Variants in ADGRL3 observed in about 807,000 individuals in gnomAD.
The protein encoded by ADGRL3 is calcium-independent alpha-latrotoxin receptor 3.
A neutral mutation model predicts 153.5 loss-of-function variants in ADGRL3; 62 were observed. The ratio of observed to expected loss-of-function variants is 0.40; its 90% CI spans 0.33 to 0.50. ADGRL3 has a LOEUF of 0.50. Ranked by LOEUF, ADGRL3 falls within the 20% of genes least tolerant of loss-of-function variation. The pLI, the probability that ADGRL3 is intolerant of heterozygous loss-of-function variation, is 0.47. For missense variants in ADGRL3, 1,641 were observed against 1,859.4 expected (o/e 0.88, Z 2.16); for synonymous variants, 710 against 672.5 (o/e 1.06, Z -0.86).
intron 11 of ADGRL3, among the ~76,000 whole-genome samples, chr4:61,898,564 G>C (rs1287142970): frequency 3.3e-5 from 5 of 151,938 alleles, no homozygotes; most frequent in Non-Finnish European, 7.4e-5. Context: ...GGCTGGACCA[G>C]GTGTGATGTT....
intron 4 of ADGRL3, among the ~76,000 whole-genome samples, chr4:61,557,989 C>T (rs1278424061): frequency 2.6e-5 from 4 of 151,294 alleles, no homozygotes; most frequent in South Asian, 2.1e-4. Flanking sequence ...ACCTTGATAT[C>T]GGGCTTGTGA....
intron 8 of ADGRL3, among the ~76,000 whole-genome samples, chr4:61,748,988 T>C (rs1185875913): frequency 1.3e-5 from 2 of 151,406 alleles, no homozygotes; most frequent in Non-Finnish European, 2.9e-5. Context: ...ATCCAGAATC[T>C]ACAATGAACT....
intron 1 of ADGRL3, among the ~76,000 whole-genome samples, chr4:61,267,261 A>G (rs1049529947): frequency 6.6e-6 from 1 of 151,668 alleles, no homozygotes; most frequent in Non-Finnish European, 1.5e-5. Context: ...GCATTTTCTT[A>G]TTTTCAAGGA....
Position 61,517,338 on chromosome 4 carries a change from C to T in ADGRL3, c.79C>T (p.Pro27Ser). The T allele has an allele frequency of 1.4e-6, 1 of 703,652 alleles. No homozygotes were observed. Among genetic ancestry groups the T allele is most frequent in the South Asian group, 1.5e-5 (1 of 67,606 alleles). The allele number at this position is 703,652 out of a possible 1,614,324, so 43.6% of individuals were successfully genotyped here. A position where few individuals can be genotyped will look rare whatever the true frequency, so the allele number is the denominator to read the frequency against. Residue 27 changes from proline to serine, a missense_variant, in exon 4 of 27, where the codon CCT (proline) becomes TCT (serine). Physicochemically the swap from Pro to Ser is moderately conservative, Grantham distance 74. Around this residue, in one of 5 missense-constraint regions of ADGRL3, gnomAD observed 145 missense variants for 79.1 expected, o/e 1.83. Coordinates refer to ENST00000683033, the MANE Select transcript of ADGRL3 (RefSeq NM_001387552.1). ...AGGTGGCAAGCACAGTGAACGACATCCTGCCCTTGCTGCTCCATTGCGACA... is the reference window on the plus strand; with the variant it reads ...AGGTGGCAAGCACAGTGAACGACATTCTGCCCTTGCTGCTCCATTGCGACA... The part of the protein sequence containing the change: ...IHGGKHSERH[P>S]ALAAPLRHAE...
intron 9 of ADGRL3, among the ~76,000 whole-genome samples, chr4:61,860,339 T>C (rs2098327746): frequency 6.6e-6 from 1 of 152,128 alleles, no homozygotes. Context: ...TCTTTAACAA[T>C]ATACAGATAA....
chr4:61,621,372 T>A (rs1314397980), intron 5 of ADGRL3, among the ~76,000 whole-genome samples: 4 of 152,304 alleles, frequency 2.6e-5, no homozygotes, highest in Admixed American at 6.5e-5. Flanking sequence ...CTAAGAAAGA[T>A]ATTACTATCT....
At chr4:61,548,071 A>C (rs1385216547) in intron 4 of ADGRL3, among the ~76,000 whole-genome samples, 2 of 152,022 alleles carry the variant, frequency 1.3e-5, no homozygotes, top group African/African-American at 4.8e-5. Context: ...TGTTGGCTAC[A>C]TGTATGTCTT....
chr4:61,798,657 G>A (rs1045830170), intron 8 of ADGRL3, among the ~76,000 whole-genome samples: 15 of 150,688 alleles, frequency 1.0e-4, no homozygotes, highest in African/African-American at 2.9e-4. Context: ...TTGCTCTATC[G>A]CTCAGGCTGG....
intron 21 of ADGRL3, among the ~76,000 whole-genome samples, chr4:62,017,854 T>C (rs1320875287): frequency 1.3e-5 from 2 of 152,092 alleles, no homozygotes; most frequent in African/African-American, 4.8e-5. Flanking sequence ...AATGTGGACA[T>C]ACCAAAAGTA....
At position 61,472,165 on chromosome 4, in the gene ADGRL3, T is replaced by C. The variant is rs188714106; in HGVS notation, c.-173-24956T>C. On this transcript the variant is annotated intron_variant, in intron 2 of 26. Coordinates refer to ENST00000683033, the MANE Select transcript of ADGRL3 (RefSeq NM_001387552.1). ...ATATGATGCTGTGGGAAGAATGAAG[T>C]GATAGAACAATACAAATTACTTTGG... Among the ~76,000 whole-genome samples the C allele has an allele frequency of 1.7e-3, 262 of 152,224 alleles. 2 individuals are homozygous for C. The highest frequency in any genetic ancestry group is 5.8e-3 in the African/African-American group (242 of 41,568).
intron 1 of ADGRL3, among the ~76,000 whole-genome samples, chr4:61,316,827 A>G (rs2095229033): frequency 1.3e-5 from 2 of 152,204 alleles, no homozygotes; most frequent in Admixed American, 1.3e-4. Context: ...ATATTTTGCT[A>G]ACAACATGTT....
intron 1 of ADGRL3, among the ~76,000 whole-genome samples, chr4:61,259,446 A>ATAAG (rs998345729): frequency 2.0e-5 from 3 of 151,432 alleles, no homozygotes; most frequent in Non-Finnish European, 4.4e-5. Flanking sequence ...AAATAAATAA[A>ATAAG]TAAATAAATA....
At chr4:61,264,966 C>T (rs968433327) in intron 1 of ADGRL3, among the ~76,000 whole-genome samples, 1 of 151,852 alleles carries the variant, frequency 6.6e-6, no homozygotes, top group Non-Finnish European at 1.5e-5. Flanking sequence ...TTCGTGGTTA[C>T]AGTTGGTCTA....
chr4:61,715,629 T>C (rs2096092750), intron 6 of ADGRL3, among the ~76,000 whole-genome samples: 1 of 152,154 alleles, frequency 6.6e-6, no homozygotes, highest in Non-Finnish European at 1.5e-5. Context: ...TTCTGGCATG[T>C]ATCTAATCAG....
At position 62,070,800 on chromosome 4, in the gene ADGRL3, C is replaced by T; in HGVS notation, c.4524C>T (p.Tyr1508=). ...ACGTCCATCAGCTGCATACTTACTA[C>T]CAGCTAGGTCGCGGCAGCAGTGATG... ...RNHVHQLHTY[Y]QLGRGSSDGF... is the part of the protein sequence containing the mutation. Residue 1508 remains tyrosine, a synonymous_variant, in exon 27 of 27, where the codon TAC becomes TAT. Coordinates refer to ENST00000683033, the MANE Select transcript of ADGRL3 (RefSeq NM_001387552.1). 1 of 1,551,686 alleles carries T rather than the reference C, an allele frequency of 6.4e-7. No homozygotes were observed. Among genetic ancestry groups the T allele is most frequent in the Non-Finnish European group, 8.7e-7 (1 of 1,146,982 alleles).
intron 9 of ADGRL3, among the ~76,000 whole-genome samples, chr4:61,837,477 G>A (rs2097953951): frequency 2.6e-5 from 4 of 152,058 alleles, no homozygotes; most frequent in Admixed American, 2.6e-4. Context: ...TAGGAGAACG[G>A]GAAGATGTTA....
intron 18 of ADGRL3, among the ~76,000 whole-genome samples, chr4:61,981,521 GA>G (rs894376494): frequency 8.2e-5 from 12 of 145,922 alleles, no homozygotes; most frequent in Non-Finnish European, 1.5e-4. Flanking sequence ...AAAGGAGGAA[GA>G]AAAAAAGGGA....
intron 8 of ADGRL3, among the ~76,000 whole-genome samples, chr4:61,742,520 T>A (rs2096594685): frequency 6.6e-6 from 1 of 152,082 alleles, no homozygotes; most frequent in African/African-American, 2.4e-5. Context: ...GACCTCATGA[T>A]CCACCCATCT....
intron 3 of ADGRL3, among the ~76,000 whole-genome samples, chr4:61,499,022 G>A (rs989089707): frequency 2.6e-5 from 4 of 152,166 alleles, no homozygotes; most frequent in African/African-American, 9.7e-5. Context: ...TTATAGTGTA[G>A]CAAGCAGCTG....
Sources: gnomAD v4.1 joint callset for allele counts (sites outside exome capture counted in the v4.1 genomes callset) on GRCh38, gnomAD v4.1.1 for gene constraint, gnomAD v4.1.1 regional missense constraint, MANE v1.5 for transcripts, NCBI Gene and HGNC (gene_info 2026-07-23, HGNC 2026-07-21) for gene names.